The following CACNA2D3 variants were observed in gnomAD, a reference collection of about 807,000 sequenced individuals.
The protein encoded by CACNA2D3 is voltage-dependent calcium channel subunit alpha-2/delta-3.
A neutral mutation model predicts 160.6 loss-of-function variants in CACNA2D3; 60 were observed. That is an observed-to-expected ratio of 0.37 (90% CI 0.30 to 0.46). The LOEUF (loss-of-function observed/expected upper bound fraction) is 0.46. Among genes scored for constraint, CACNA2D3 ranks in the 20% least tolerant of loss-of-function variants. The probability of loss-of-function intolerance (pLI) is 1.00; values close to 1 mark genes in which losing one functional copy is unlikely to be tolerated. For missense variants in CACNA2D3, 1,205 were observed against 1,365.0 expected (o/e 0.88, Z 1.85); for synonymous variants, 558 against 492.9 (o/e 1.13, Z -1.75).
chr3:54,983,930 G>A (rs1702558877), intron 29 of CACNA2D3, among the ~76,000 whole-genome samples: 1 of 152,158 alleles, frequency 6.6e-6, no homozygotes, highest in Non-Finnish European at 1.5e-5. Context: ...TTAAAGTAGT[G>A]TGGGGGAAGC....
intron 2 of CACNA2D3, among the ~76,000 whole-genome samples, chr3:54,244,988 A>G (rs889527006): frequency 1.3e-5 from 2 of 152,188 alleles, no homozygotes; most frequent in African/African-American, 4.8e-5. Flanking sequence ...TTTAGATGAC[A>G]TTTGAGCAGC....
intron 2 of CACNA2D3, among the ~76,000 whole-genome samples, chr3:54,316,636 G>C (rs955854387): frequency 2.6e-5 from 4 of 152,226 alleles, no homozygotes; most frequent in Non-Finnish European, 4.4e-5. Flanking sequence ...GGAATCCACA[G>C]CTTGGCAAAG....
chr3:55,045,369 T>C (rs1010997382), intron 35 of CACNA2D3, among the ~76,000 whole-genome samples: 7 of 152,324 alleles, frequency 4.6e-5, no homozygotes, highest in African/African-American at 1.7e-4. Flanking sequence ...CTTTTTATAA[T>C]GCTGTCATCT....
chr3:55,073,292 C>T (rs568734652), intron 35 of CACNA2D3, among the ~76,000 whole-genome samples, 153 bp from the exon 36 acceptor site: 2 of 152,154 alleles, frequency 1.3e-5, no homozygotes, highest in African/African-American at 2.4e-5. Context: ...TGAAGAGCCT[C>T]ATGGAGAAAG....
chr3:54,962,542 A>G (rs1397947259), intron 27 of CACNA2D3, among the ~76,000 whole-genome samples: 1 of 152,200 alleles, frequency 6.6e-6, no homozygotes, highest in African/African-American at 2.4e-5. Flanking sequence ...ATTTACTCTC[A>G]CTGATTTTTG....
intron 35 of CACNA2D3, among the ~76,000 whole-genome samples, chr3:55,028,310 A>G (rs573518554): frequency 8.5e-5 from 13 of 152,214 alleles, no homozygotes; most frequent in Non-Finnish European, 1.8e-4. Context: ...AGGGTTTATT[A>G]AGAATGCAGG....
At chr3:55,025,934 G>T (rs891211383) in intron 35 of CACNA2D3, among the ~76,000 whole-genome samples, 1 of 151,730 alleles carries the variant, frequency 6.6e-6, no homozygotes, top group Non-Finnish European at 1.5e-5. Context: ...GGGGACTTGG[G>T]TTTTTTCTTT....
intron 5 of CACNA2D3, among the ~76,000 whole-genome samples, chr3:54,528,504 A>G (rs1269997275): frequency 1.3e-5 from 2 of 152,232 alleles, no homozygotes; most frequent in African/African-American, 4.8e-5. Context: ...TAAAAGCCCA[A>G]TGGAAATGCC....
At chr3:54,184,384 A>C (rs147464049) in intron 2 of CACNA2D3, among the ~76,000 whole-genome samples, 1,775 of 152,288 alleles carry the variant, frequency 0.012, 29 homozygotes, top group African/African-American at 0.039. Context: ...GCCCTCCCCC[A>C]TCCTCCCATC....
chr3:54,401,299 G>A (rs538316252), intron 4 of CACNA2D3, among the ~76,000 whole-genome samples: 1 of 152,280 alleles, frequency 6.6e-6, no homozygotes, highest in South Asian at 2.1e-4. Context: ...AGAAGGATAA[G>A]GGACAGAGGT....
At chr3:54,174,473 G>T (rs1250592967) in intron 2 of CACNA2D3, among the ~76,000 whole-genome samples, 1 of 152,148 alleles carries the variant, frequency 6.6e-6, no homozygotes, top group East Asian at 1.9e-4. Flanking sequence ...TCTTAATTGT[G>T]GATGAGGTGA....
chr3:54,403,389 ACACACACACG>A (rs1449476705), intron 4 of CACNA2D3, among the ~76,000 whole-genome samples: 1 of 151,060 alleles, frequency 6.6e-6, no homozygotes, highest in Admixed American at 6.6e-5. Flanking sequence ...ACACACACAC[ACACACACACG>A]CACACACAAT....
chr3:54,193,307 C>G (rs1174268854), intron 2 of CACNA2D3, among the ~76,000 whole-genome samples: 1 of 152,142 alleles, frequency 6.6e-6, no homozygotes, highest in Non-Finnish European at 1.5e-5. Context: ...CATGCTGTGA[C>G]CAATTACTCA....
intron 35 of CACNA2D3, among the ~76,000 whole-genome samples, chr3:55,066,940 A>T (rs1035384471): frequency 6.6e-6 from 1 of 152,082 alleles, no homozygotes; most frequent in Non-Finnish European, 1.5e-5. Context: ...GGTGTGTTTT[A>T]TGAAGTTCAA....
chr3:54,807,495 C>G (rs925499558), intron 13 of CACNA2D3, among the ~76,000 whole-genome samples: 17 of 152,092 alleles, frequency 1.1e-4, no homozygotes, highest in Non-Finnish European at 2.5e-4. Flanking sequence ...CAAATCAAAA[C>G]CACAATGAGA....
intron 28 of CACNA2D3, among the ~76,000 whole-genome samples, 180 bp downstream of exon 28, chr3:54,968,691 C>T (rs1702207925): frequency 6.6e-6 from 1 of 152,168 alleles, no homozygotes; most frequent in Admixed American, 6.5e-5. Flanking sequence ...ATGTTAGACA[C>T]CACATGCTGA....
At position 54,386,639 on chromosome 3, in the gene CACNA2D3, G is replaced by C. The variant is rs948806409; in HGVS notation, c.322-76G>C. On this transcript the variant is annotated intron_variant, in intron 3 of 37. Transcript: ENST00000474759. ...AACCACGATATAATATGTCACTTTT[G>C]GTCAATGGAGAAATGGGGTTCAGGC... 7.6e-6 allele frequency: 10 copies of C among 1,324,296 alleles called. No individual in the cohort carries two copies. The African/African-American group carries it at 8.9e-5, about 12-fold the overall frequency. The allele number at this position is 1,324,296 out of a possible 1,614,324, so 82.0% of individuals were successfully genotyped here.
chr3:54,911,434 T>G (rs1700555031), intron 27 of CACNA2D3, among the ~76,000 whole-genome samples: 2 of 144,102 alleles, frequency 1.4e-5, no homozygotes, highest in African/African-American at 2.6e-5. Context: ...GCTCGAGTGA[T>G]CCTCCTGCCT....
At chr3:54,175,036 A>C (rs1348041842) in intron 2 of CACNA2D3, among the ~76,000 whole-genome samples, 1 of 152,194 alleles carries the variant, frequency 6.6e-6, no homozygotes, top group Non-Finnish European at 1.5e-5. Flanking sequence ...CCATCTGCAC[A>C]GTTGGATTTG....
Sources: allele counts gnomAD v4.1 joint callset (sites outside exome capture counted in the v4.1 genomes callset), GRCh38; gene constraint gnomAD v4.1.1; transcripts MANE v1.5; gene names NCBI Gene and HGNC (gene_info 2026-07-23, HGNC 2026-07-21).